The following YAP1 variants were observed in gnomAD, a reference collection of about 807,000 sequenced individuals.
YAP1 encodes Yes1 associated transcriptional regulator.
In YAP1, 5 loss-of-function variants were observed where a neutral mutation model predicts 56.9. The observed-to-expected ratio is 0.09, with a 90% CI of 0.05 to 0.18. The LOEUF is 0.18. YAP1 is among the 10% of genes least tolerant of loss of function. The pLI, the probability that YAP1 is intolerant of heterozygous loss-of-function variation, is 1.00. For missense variants in YAP1, 539 were observed against 651.8 expected (o/e 0.83, Z 1.88); for synonymous variants, 265 against 248.1 (o/e 1.07, Z -0.64).
intron 6 of YAP1, among the ~76,000 whole-genome samples, chr11:102,223,259 A>C: frequency 6.6e-6 from 1 of 151,462 alleles, no homozygotes; most frequent in Non-Finnish European, 1.5e-5. Flanking sequence ...AGAACAAAAA[A>C]AAAAAAAAAA....
chr11:102,116,707 G>T (rs1331077266), intron 2 of YAP1, among the ~76,000 whole-genome samples: 1 of 152,174 alleles, frequency 6.6e-6, no homozygotes, highest in Non-Finnish European at 1.5e-5. Context: ...CATGATTGTT[G>T]TTTCAGTGTT....
chr11:102,134,122 G>A (rs1253641425), intron 2 of YAP1, among the ~76,000 whole-genome samples: 1 of 152,180 alleles, frequency 6.6e-6, no homozygotes, highest in African/African-American at 2.4e-5. Context: ...GGAGGACACG[G>A]ATATTTAGTC....
At chr11:102,118,138 T>C (rs991214605) in intron 2 of YAP1, among the ~76,000 whole-genome samples, 1 of 152,346 alleles carries the variant, frequency 6.6e-6, no homozygotes, top group Admixed American at 6.5e-5. Flanking sequence ...ATTTAAGGAA[T>C]CTGGATCAGT....
At chr11:102,214,696 C>G (rs1190720640) in intron 6 of YAP1, among the ~76,000 whole-genome samples, 1 of 151,982 alleles carries the variant, frequency 6.6e-6, no homozygotes, top group African/African-American at 2.4e-5. Flanking sequence ...ACATTGAAAA[C>G]TTTATATAAG....
intron 4 of YAP1, among the ~76,000 whole-genome samples, chr11:102,202,070 G>A (rs1254304218): frequency 6.6e-6 from 1 of 152,128 alleles, no homozygotes; most frequent in Non-Finnish European, 1.5e-5. Flanking sequence ...AACTGTGCTG[G>A]ATTAAAACAC....
At chr11:102,148,281 T>C (rs1442434828) in intron 2 of YAP1, among the ~76,000 whole-genome samples, 2 of 152,196 alleles carry the variant, frequency 1.3e-5, no homozygotes, top group Non-Finnish European at 2.9e-5. Flanking sequence ...AAACACATGG[T>C]TTCAAGGCTT....
chr11:102,124,551 C>T (rs912006819), intron 2 of YAP1, among the ~76,000 whole-genome samples: 5 of 152,030 alleles, frequency 3.3e-5, no homozygotes, highest in African/African-American at 4.8e-5. Flanking sequence ...CATTAGTTCC[C>T]GGGTAATTTC....
At chr11:102,145,527 C>T (rs771668327) in intron 2 of YAP1, among the ~76,000 whole-genome samples, 1 of 151,856 alleles carries the variant, frequency 6.6e-6, no homozygotes. Flanking sequence ...GATAAGAAAC[C>T]TATAATAATT....
rs181888194 is a variant in YAP1 at position 102,181,468 on chromosome 11, A to T, written c.689-4550A>T. Among the ~76,000 whole-genome samples, 228 of 151,806 alleles carry T rather than the reference A, an allele frequency of 1.5e-3. 2 individuals carry two copies. The highest frequency in any genetic ancestry group is 5.3e-3 in the African/African-American group (221 of 41,462). On this transcript the variant is annotated intron_variant, in intron 3 of 8. Coordinates refer to ENST00000282441, the MANE Select transcript of YAP1 (RefSeq NM_001130145.3). ...CTCAAAAATAAATAAATAAATAAAT[A>T]AAATAAAATAATAACTCCTATGGGT... is the stretch of plus-strand genomic sequence containing the variant.
At position 102,227,594 on chromosome 11, in the gene YAP1, T is replaced by C. The variant is rs1460339091; in HGVS notation, c.1276+13T>C. The C allele has an allele frequency of 1.3e-6, 2 of 1,567,410 alleles. No homozygotes were observed. The highest frequency in any genetic ancestry group is 1.1e-5 in the South Asian group (1 of 89,182). ...GAGATGGATACAGGTTGGTATTCTT[T>C]ATTCCTCTTAGTAACCTGACTTAAC... On this transcript the variant is annotated intron_variant, in intron 8 of 8. Transcript: ENST00000282441.
chr11:102,152,423 C>T (rs908128240), intron 2 of YAP1, among the ~76,000 whole-genome samples: 1 of 152,180 alleles, frequency 6.6e-6, no homozygotes, highest in African/African-American at 2.4e-5. Context: ...ACTCTGGCCT[C>T]TGTAGATTCG....
intron 2 of YAP1, among the ~76,000 whole-genome samples, chr11:102,136,329 G>C (rs193278091): frequency 6.6e-6 from 1 of 151,174 alleles, no homozygotes; most frequent in African/African-American, 2.4e-5. Context: ...ATGTGCCTAG[G>C]ACAGGGAGCC....
At chr11:102,142,514 AG>A (rs1945080494) in intron 2 of YAP1, among the ~76,000 whole-genome samples, 1 of 152,248 alleles carries the variant, frequency 6.6e-6, no homozygotes, top group Non-Finnish European at 1.5e-5. Flanking sequence ...GAGCCAAAAA[AG>A]GGCCGTCTTC....
chr11:102,146,648 A>G (rs930806080), intron 2 of YAP1, among the ~76,000 whole-genome samples: 6 of 152,252 alleles, frequency 3.9e-5, no homozygotes, highest in Non-Finnish European at 5.9e-5. Context: ...TTTTATTCCT[A>G]TAGCATTTCC....
At chr11:102,162,895 A>G (rs1340096362) in intron 3 of YAP1, among the ~76,000 whole-genome samples, 2 of 151,520 alleles carry the variant, frequency 1.3e-5, no homozygotes, top group East Asian at 3.9e-4. Context: ...TGTCTCAGGT[A>G]TTTGAGTTGA....
intron 3 of YAP1, among the ~76,000 whole-genome samples, chr11:102,167,473 G>T (rs1038513624): frequency 1.2e-4 from 18 of 152,174 alleles, no homozygotes; most frequent in Non-Finnish European, 2.1e-4. Context: ...AGTGGCTCAT[G>T]CCTGTAATCC....
chr11:102,142,620 T>G (rs1284877566), intron 2 of YAP1, among the ~76,000 whole-genome samples: 1 of 152,258 alleles, frequency 6.6e-6, no homozygotes, highest in Non-Finnish European at 1.5e-5. Context: ...ACAGTCAGTT[T>G]TAGTTTTAGA....
At chr11:102,212,253 G>A (rs1949438602) in intron 6 of YAP1, among the ~76,000 whole-genome samples, 1 of 152,190 alleles carries the variant, frequency 6.6e-6, no homozygotes, top group Non-Finnish European at 1.5e-5. Context: ...TATGCTGTGG[G>A]ATGTGGAAAG....
intron 2 of YAP1, among the ~76,000 whole-genome samples, chr11:102,117,501 A>G (rs1011684954): frequency 6.6e-6 from 1 of 152,228 alleles, no homozygotes; most frequent in African/African-American, 2.4e-5. Flanking sequence ...AAATGTTAAG[A>G]AACAACCCAG....
Sources: gnomAD v4.1 joint callset for allele counts (sites outside exome capture counted in the v4.1 genomes callset) on GRCh38, gnomAD v4.1.1 for gene constraint, MANE v1.5 for transcripts, NCBI Gene and HGNC (gene_info 2026-07-23, HGNC 2026-07-21) for gene names.